HEATR4: variants seen among roughly 807,000 people sequenced by gnomAD.
The protein encoded by HEATR4 is HEAT repeat-containing protein 4.
In HEATR4, 95 loss-of-function variants were observed where a neutral mutation model predicts 108.8. The ratio of observed to expected loss-of-function variants is 0.87; its 90% CI spans 0.74 to 1.04. The LOEUF is 1.04. HEATR4 is among the 50% of genes least tolerant of loss of function. HEATR4 has a pLI of 0.00. For missense variants in HEATR4, 1,152 were observed against 1,253.8 expected (o/e 0.92, Z 1.23); for synonymous variants, 443 against 459.4 (o/e 0.96, Z 0.46).
the HEATR4 span, among the ~76,000 whole-genome samples, chr14:73,585,957 C>G: frequency 8.2e-6 from 1 of 121,916 alleles, no homozygotes; most frequent in Non-Finnish European, 1.6e-5. Flanking sequence ...TGCAGTGAGC[C>G]AAGGTGGCAC....
chr14:73,612,907 C>G, the HEATR4 span: 1 of 1,362,318 alleles, frequency 7.3e-7, no homozygotes, highest in East Asian at 3.0e-5. Flanking sequence ...TGGACGGCCA[C>G]GACACCGAGC....
At chr14:73,630,502 G>A in the HEATR4 span, among the ~76,000 whole-genome samples, 21 of 152,090 alleles carry the variant, frequency 1.4e-4, no homozygotes, top group Non-Finnish European at 2.6e-4. Flanking sequence ...ATAGTGGTTC[G>A]CTCCCCCAAT....
At chr14:73,613,886 C>T in the HEATR4 span, among the ~76,000 whole-genome samples, 1 of 152,020 alleles carries the variant, frequency 6.6e-6, no homozygotes, top group African/African-American at 2.4e-5. Flanking sequence ...CTGACTTAAA[C>T]CTCTACCATA....
At chr14:73,518,657 C>T (rs527620793) in intron 5 of HEATR4, among the ~76,000 whole-genome samples, 1 of 152,162 alleles carries the variant, frequency 6.6e-6, no homozygotes, top group Non-Finnish European at 1.5e-5. Context: ...GTAGAGCCAG[C>T]CCAAGGGAAA....
chr14:73,484,283 A>G (rs933477160), intron 17 of HEATR4, among the ~76,000 whole-genome samples: 1 of 152,102 alleles, frequency 6.6e-6, no homozygotes, highest in Non-Finnish European at 1.5e-5. Flanking sequence ...TACGACGTAT[A>G]GCAAGACTCA....
chr14:73,481,669 G>A (rs1264915438), intron 17 of HEATR4, among the ~76,000 whole-genome samples: 4 of 151,246 alleles, frequency 2.6e-5, no homozygotes, highest in African/African-American at 7.3e-5. Flanking sequence ...GTGAAACCCC[G>A]TCTCTACTAA....
chr14:73,579,080 CTCAAAAAAAA>C, the HEATR4 span, among the ~76,000 whole-genome samples: 1 of 137,154 alleles, frequency 7.3e-6, no homozygotes, highest in Non-Finnish European at 1.6e-5. Context: ...CAGCCTCCAT[CTCAAAAAAAA>C]GAAAAAAAAA....
chr14:73,490,941 C>T (rs1363706736), intron 17 of HEATR4: 2 of 1,279,058 alleles, frequency 1.6e-6, no homozygotes, highest in Non-Finnish European at 2.0e-6. Context: ...CCAGAGTGCA[C>T]CGCAGCCGCT....
At position 73,495,329 on chromosome 14, in the gene HEATR4, AC is replaced by A. The variant is rs748519813; in HGVS notation, c.2683del (p.Val895SerfsTer5). ...TGCTTCCTCCCTCACTTTTCCCATG[AC>A]CATCTCCAGCTTGAGTATTTTGTGT... The part of the protein sequence containing the change: ...LTHKILKLEM[V>X]MGKVREEAKR... On this transcript the variant is annotated frameshift_variant, in exon 16 of 18. Transcript: ENST00000553558. LOFTEE classifies it high-confidence loss of function. 1.2e-6 allele frequency: 2 copies of A among 1,613,808 alleles called. No individual in the cohort carries two copies. Among genetic ancestry groups the A allele is most frequent in the African/African-American group, 1.3e-5 (1 of 74,884 alleles).
the HEATR4 span, among the ~76,000 whole-genome samples, chr14:73,608,947 A>C: frequency 6.6e-6 from 1 of 152,192 alleles, no homozygotes; most frequent in East Asian, 1.9e-4. Flanking sequence ...ATCAGATCGC[A>C]TGAGAACTCA....
chr14:73,569,658 A>G, the HEATR4 span: 8 of 1,606,708 alleles, frequency 5.0e-6, 1 homozygote, highest in South Asian at 8.8e-5. Flanking sequence ...GCTTGAGCCC[A>G]TGGGGCTGCT....
At chr14:73,500,435 T>G (rs533663639) in intron 12 of HEATR4, 115 bp downstream of exon 12, 88 of 1,160,436 alleles carry the variant, frequency 7.6e-5, no homozygotes, top group Non-Finnish European at 1.1e-4. Flanking sequence ...CCTTCCCAGT[T>G]CCAATCTCTC....
At chr14:73,575,328 T>C in the HEATR4 span, 4 of 883,080 alleles carry the variant, frequency 4.5e-6, no homozygotes, top group Non-Finnish European at 6.5e-6. Context: ...GACAGGGCAC[T>C]ATATTGAGCC....
the HEATR4 span, among the ~76,000 whole-genome samples, chr14:73,620,439 C>T: frequency 6.6e-6 from 1 of 152,192 alleles, no homozygotes; most frequent in Non-Finnish European, 1.5e-5. Context: ...CAGCTTTGGC[C>T]TCGTGTTCCC....
At chr14:73,518,241 G>T (rs756019913) in intron 5 of HEATR4, among the ~76,000 whole-genome samples, 3 of 152,006 alleles carry the variant, frequency 2.0e-5, no homozygotes, top group African/African-American at 4.8e-5. Flanking sequence ...CAACTAGCAG[G>T]CCAGGCAACC....
intron 16 of HEATR4, among the ~76,000 whole-genome samples, chr14:73,494,811 A>G (rs1886002761): frequency 6.6e-6 from 1 of 152,076 alleles, no homozygotes; most frequent in Non-Finnish European, 1.5e-5. Flanking sequence ...TCCTCCCACC[A>G]TGGCCTCCCA....
chr14:73,519,789 G>A, intron 4 of HEATR4, among the ~76,000 whole-genome samples: 1 of 152,146 alleles, frequency 6.6e-6, no homozygotes, highest in African/African-American at 2.4e-5. Context: ...AGGCTAAGGA[G>A]GGCGGATCAC....
At chr14:73,479,901 C>T (rs1885179153) in intron 17 of HEATR4, among the ~76,000 whole-genome samples, 1 of 152,078 alleles carries the variant, frequency 6.6e-6, no homozygotes, top group Non-Finnish European at 1.5e-5. Context: ...TCTCAAAAGC[C>T]TAACACCAGG....
At chr14:73,557,223 A>G (rs1267076148) in intron 1 of HEATR4, among the ~76,000 whole-genome samples, 1 of 114,234 alleles carries the variant, frequency 8.8e-6, no homozygotes, top group Non-Finnish European at 1.9e-5. Flanking sequence ...GGGTTAGGCC[A>G]CATGCCTCTA....
Sources: allele counts gnomAD v4.1 joint callset (sites outside exome capture counted in the v4.1 genomes callset), GRCh38; gene constraint gnomAD v4.1.1; transcripts MANE v1.5; gene names NCBI Gene and HGNC (gene_info 2026-07-23, HGNC 2026-07-21).